Variants in TCF4 observed in about 807,000 individuals in gnomAD.
The protein encoded by TCF4 is SL3-3 enhancer factor 2.
A neutral mutation model predicts 82.1 loss-of-function variants in TCF4; 3 were observed. That is an observed-to-expected ratio of 0.04 (90% CI 0.02 to 0.09). The LOEUF (loss-of-function observed/expected upper bound fraction) is 0.09. Among genes scored for constraint, TCF4 ranks in the 10% least tolerant of loss-of-function variants. The pLI is 1.00. For synonymous variants in TCF4, 276 were observed against 309.6 expected, an observed-to-expected ratio of 0.89 and a Z score of 1.14; for missense variants, 518 against 852.7, an observed-to-expected ratio of 0.61 and a Z score of 4.89.
chr18:55,261,983 T>C (rs1242857143), intron 11 of TCF4, among the ~76,000 whole-genome samples: 2 of 152,208 alleles, frequency 1.3e-5, no homozygotes, highest in East Asian at 3.8e-4. Context: ...GGTATTCGTC[T>C]CACAGTCCTA....
upstream of TCF4, chr18:55,591,060 G>C (rs1603625045): frequency 6.6e-6 from 1 of 152,180 alleles, no homozygotes; most frequent in East Asian, 1.9e-4. Flanking sequence ...TCCATTTGCT[G>C]ATAAAAGTTT....
intron 15 of TCF4, among the ~76,000 whole-genome samples, chr18:55,253,932 CA>C (rs1225659225): frequency 6.6e-6 from 1 of 152,162 alleles, no homozygotes; most frequent in Non-Finnish European, 1.5e-5. Context: ...TGTGTCTGCA[CA>C]AAAACTTAAA....
intron 3 of TCF4, among the ~76,000 whole-genome samples, chr18:55,522,687 T>C (rs898221539): frequency 1.3e-5 from 2 of 151,938 alleles, no homozygotes; most frequent in Non-Finnish European, 2.9e-5. Flanking sequence ...GAGATAATAA[T>C]AAAAGAGGGA....
At chr18:55,434,763 CGTGTGT>C (rs527450659) in intron 5 of TCF4, among the ~76,000 whole-genome samples, 1,524 of 131,778 alleles carry the variant, frequency 0.012, 28 homozygotes, top group Admixed American at 0.036. Flanking sequence ...CTCAAGTATT[CGTGTGT>C]GTGTGTGTGT....
At chr18:55,479,517 T>C (rs928288946) in intron 3 of TCF4, among the ~76,000 whole-genome samples, 24 of 152,222 alleles carry the variant, frequency 1.6e-4, no homozygotes, top group Admixed American at 5.2e-4. Flanking sequence ...CATGGGATCA[T>C]ATGACTAGGA....
intron 8 of TCF4, among the ~76,000 whole-genome samples, chr18:55,296,106 TG>T (rs1601742029): frequency 1.3e-5 from 2 of 150,598 alleles, no homozygotes; most frequent in East Asian, 4.1e-4. Flanking sequence ...TACATTAAAG[TG>T]TTTTTTTTTT....
chr18:55,469,418 C>T (rs969068860), intron 3 of TCF4, among the ~76,000 whole-genome samples: 33 of 151,802 alleles, frequency 2.2e-4, no homozygotes, highest in African/African-American at 7.7e-4. Context: ...GAGCCAAGAT[C>T]GAGCCACTGT....
At chr18:55,441,255 A>C (rs528440567) in intron 5 of TCF4, among the ~76,000 whole-genome samples, 1 of 152,312 alleles carries the variant, frequency 6.6e-6, no homozygotes, top group Non-Finnish European at 1.5e-5. Context: ...TTCTAGCTGG[A>C]TTATCACATG....
At chr18:55,527,142 A>G (rs2096994285) in intron 3 of TCF4, among the ~76,000 whole-genome samples, 1 of 152,224 alleles carries the variant, frequency 6.6e-6, no homozygotes, top group Non-Finnish European at 1.5e-5. Flanking sequence ...CTCTGCCAAG[A>G]AGTCTGCAAA....
intron 5 of TCF4, among the ~76,000 whole-genome samples, chr18:55,454,572 T>G (rs926500569): frequency 6.6e-6 from 1 of 152,210 alleles, no homozygotes; most frequent in Non-Finnish European, 1.5e-5. Flanking sequence ...TCCTTAGCTA[T>G]AGATCTGGAA....
chr18:55,232,807 G>T, intron 16 of TCF4, 136 bp from the exon 17 acceptor site: 2 of 1,169,406 alleles, frequency 1.7e-6, no homozygotes, highest in Non-Finnish European at 2.5e-6. Flanking sequence ...CCTGCTATCT[G>T]TTGAAGTTTC....
chr18:55,380,784 G>A (rs967359106), intron 6 of TCF4, among the ~76,000 whole-genome samples: 1 of 152,176 alleles, frequency 6.6e-6, no homozygotes. Context: ...CCCACGCAAT[G>A]CCTAAATATT....
At chr18:55,404,161 G>A (rs1037943189) in intron 5 of TCF4, 19 of 423,020 alleles carry the variant, frequency 4.5e-5, no homozygotes, top group African/African-American at 3.0e-4. Flanking sequence ...AGGGATCATG[G>A]AATGTGAATG....
chr18:55,489,725 A>C lies in TCF4; in HGVS notation c.146-25588T>G, dbSNP rs534231669. Among the ~76,000 whole-genome samples, 16 of 152,322 alleles carry C rather than the reference A, an allele frequency of 1.1e-4. No homozygotes were observed. In the East Asian group the frequency reaches 2.7e-3, roughly 26 times the overall value. On this transcript the variant is annotated intron_variant, in intron 3 of 19. Coordinates refer to ENST00000354452, the MANE Select transcript of TCF4 (RefSeq NM_001083962.2). ...ACCACACAAGAGGATGTAATTTTGA[A>C]ACAGACCTAGAAATCCTCAACGTTG...
intron 4 of TCF4, among the ~76,000 whole-genome samples, chr18:55,462,585 A>C (rs1256231146): frequency 6.6e-6 from 1 of 152,230 alleles, no homozygotes; most frequent in Non-Finnish European, 1.5e-5. Context: ...CAAAAACCAA[A>C]AGCTAGTTAG....
At chr18:55,331,875 A>G (rs906306129) in intron 8 of TCF4, among the ~76,000 whole-genome samples, 3 of 152,194 alleles carry the variant, frequency 2.0e-5, no homozygotes, top group African/African-American at 7.2e-5. Flanking sequence ...TCAAAAACAT[A>G]TACAATTCAC....
At chr18:55,314,754 T>C (rs1212168318) in intron 8 of TCF4, among the ~76,000 whole-genome samples, 1 of 150,286 alleles carries the variant, frequency 6.7e-6, no homozygotes, top group East Asian at 1.9e-4. Flanking sequence ...AAAAAAGGAG[T>C]GTTTCCATAC....
At chr18:55,449,701 G>A (rs1234219513) in intron 5 of TCF4, among the ~76,000 whole-genome samples, 1 of 152,198 alleles carries the variant, frequency 6.6e-6, no homozygotes, top group African/African-American at 2.4e-5. Context: ...ATAATACAAA[G>A]CTAGAAAATC....
intron 8 of TCF4, among the ~76,000 whole-genome samples, chr18:55,333,342 C>T (rs925398328): frequency 6.6e-6 from 1 of 151,692 alleles, no homozygotes; most frequent in East Asian, 1.9e-4. Flanking sequence ...TTTCTTTCTA[C>T]AAAATTTCAA....
Sources: gnomAD v4.1 joint callset for allele counts (sites outside exome capture counted in the v4.1 genomes callset) on GRCh38, gnomAD v4.1.1 for gene constraint, MANE v1.5 for transcripts, NCBI Gene and HGNC (gene_info 2026-07-23, HGNC 2026-07-21) for gene names.